USP34: variants seen among roughly 807,000 people sequenced by gnomAD.
USP34 encodes the protein ubiquitin specific peptidase 34.
USP34 carries 70 observed loss-of-function variants against 460.3 expected under a neutral mutation model. The ratio of observed to expected loss-of-function variants is 0.15; its 90% CI spans 0.13 to 0.19. USP34 has a LOEUF of 0.19. Among genes scored for constraint, USP34 ranks in the 10% least tolerant of loss-of-function variants. USP34 has a pLI of 1.00. For missense variants in USP34, 3,985 were observed against 4,236.2 expected (o/e 0.94, Z 1.65); for synonymous variants, 1,647 against 1,405.3 (o/e 1.17, Z -3.85).
intron 62 of USP34, chr2:61,223,698 G>C (rs1317464786): frequency 1.1e-5 from 2 of 187,110 alleles, no homozygotes; most frequent in African/African-American, 4.8e-5. Flanking sequence ...TTTAGAGATG[G>C]AGTCTACTTC....
At chr2:61,467,881 A>C (rs1382206869) in intron 1 of USP34, among the ~76,000 whole-genome samples, 1 of 151,998 alleles carries the variant, frequency 6.6e-6, no homozygotes, top group African/African-American at 2.4e-5. Flanking sequence ...TCGGCCTCCC[A>C]AAGTGTTGGG....
rs771404229 is a variant in USP34 at position 61,257,354 on chromosome 2, C to A, written c.5845-4G>T. 4 of 1,559,584 alleles carry A rather than the reference C, an allele frequency of 2.6e-6. No homozygotes were observed. The highest frequency in any genetic ancestry group is 2.0e-5 in the Admixed American group (1 of 51,230). On this transcript the variant is annotated splice_region_variant and splice_polypyrimidine_tract_variant and intron_variant, in intron 44 of 79. Transcript: ENST00000398571. ...TATATGCTTTGCATTCACTCTCCTGCAAATAAAAAGGGGAACATTCTAAGT... is the reference window on the plus strand; with the variant it reads ...TATATGCTTTGCATTCACTCTCCTGAAAATAAAAAGGGGAACATTCTAAGT...
In USP34 at chr2:61,192,951, G is replaced by C. The variant is rs1167855646; in HGVS notation, c.9538C>G (p.Leu3180Val). The C allele has an allele frequency of 6.2e-7, 1 of 1,613,902 alleles. No homozygotes were observed. The highest frequency in any genetic ancestry group is 2.2e-5 in the East Asian group (1 of 44,862). Residue 3180 changes from leucine (L) to valine (V), a missense_variant, in exon 76 of 80, where the codon CTT (leucine) becomes GTT (valine). Physicochemically the swap from Leu to Val is conservative, Grantham distance 32. Transcript: ENST00000398571. Reference protein sequence around the residue: ...SVLVAYEGLPLHLALFPKLWT... With the variant: ...SVLVAYEGLPVHLALFPKLWT... ...AGTTTGGGGAACAGTGCAAGATGAA[G>C]TGGCAAACCTTCATAGGCAACTAGG...
At chr2:61,318,307 A>C (rs1237906107) in intron 22 of USP34, among the ~76,000 whole-genome samples, 1 of 152,238 alleles carries the variant, frequency 6.6e-6, no homozygotes, top group Non-Finnish European at 1.5e-5. Context: ...GACCCAAATC[A>C]GAGGACATAA....
chr2:61,360,903 G>A (rs1237054633), intron 10 of USP34, among the ~76,000 whole-genome samples: 3 of 152,158 alleles, frequency 2.0e-5, no homozygotes, highest in Admixed American at 2.0e-4. Flanking sequence ...GCTATCAGAA[G>A]TTAGCTCCTT....
chr2:61,281,229 T>C lies in USP34; in HGVS notation c.5012A>G (p.His1671Arg). 3 of 1,613,282 alleles carry C rather than the reference T, an allele frequency of 1.9e-6. No individual in the cohort carries two copies. The highest frequency in any genetic ancestry group is 2.5e-6 in the Non-Finnish European group (3 of 1,179,662). The change falls in exon 38 of 80, where the codon CAT becomes CGT. Residue 1671 changes from histidine (H) to arginine (R), a missense_variant. His to Arg is a conservative substitution (Grantham distance 29). Coordinates refer to ENST00000398571, the MANE Select transcript of USP34 (RefSeq NM_014709.4). ...CTTATAGAGACCACTGCATGATTCA[T>C]GACGAACTGCAGTCTAGATGAAAAA... ...TLLIPETAVR[H>R]ESCSGLYKLS...
intron 3 of USP34, among the ~76,000 whole-genome samples, chr2:61,399,076 C>G (rs1012473003): frequency 2.0e-4 from 31 of 152,090 alleles, no homozygotes; most frequent in African/African-American, 7.5e-4. Flanking sequence ...CTCCTAACGG[C>G]CGGTGCAGTG....
At position 61,370,551 on chromosome 2, in the gene USP34, G is replaced by A; in HGVS notation, c.1105C>T (p.Leu369Phe). The change falls in exon 9 of 80, where the codon CTT becomes TTT. Residue 369 changes from leucine (L) to phenylalanine (F), a missense_variant. Around this residue, in one of 14 missense-constraint regions of USP34, gnomAD observed 716 missense variants for 626.2 expected, o/e 1.14. Transcript: ENST00000398571. ...TGCTCCACCACATTGTTGCTAATAAGCCAGTCTGCAAGTTCTTTTGCAATG... is the reference window on the plus strand; with the variant it reads ...TGCTCCACCACATTGTTGCTAATAAACCAGTCTGCAAGTTCTTTTGCAATG... The part of the protein sequence containing the change: ...TSIAKELADW[L>F]ISNNVVEHIF... 1 of 1,613,706 alleles carries A rather than the reference G, an allele frequency of 6.2e-7. No homozygotes were observed. The highest frequency in any genetic ancestry group is 8.5e-7 in the Non-Finnish European group (1 of 1,179,918).
At chr2:61,308,747 A>C (rs1690490810) in intron 27 of USP34, among the ~76,000 whole-genome samples, 1 of 152,204 alleles carries the variant, frequency 6.6e-6, no homozygotes, top group Non-Finnish European at 1.5e-5. Flanking sequence ...GTAAGAAAAA[A>C]TACTACATGT....
chr2:61,385,997 C>CAAAAAAAAAAAAAAAAAAAAAAA (rs58518474), intron 5 of USP34, among the ~76,000 whole-genome samples: 1 of 99,450 alleles, frequency 1.0e-5, no homozygotes, highest in African/African-American at 3.7e-5. Context: ...ACTCTGTCTC[C>CAAAAAAAAAAAAAAAAAAAAAAA]AAAAAAAAAA....
At chr2:61,369,900 G>A (rs1404101203) in intron 10 of USP34, among the ~76,000 whole-genome samples, 1 of 149,942 alleles carries the variant, frequency 6.7e-6, no homozygotes, top group Admixed American at 6.7e-5. Flanking sequence ...GCATGCTTGA[G>A]AGATGGGGCA....
chr2:61,322,596 T>A lies in USP34; in HGVS notation c.3013+2779A>T, dbSNP rs148130179. ...AACCAGAAGGGGCATGATGGTATGG[T>A]ACCATCAAAAGAAATTTCTTTTATT... On this transcript the variant is annotated intron_variant, in intron 21 of 79. Transcript: ENST00000398571. Among the ~76,000 whole-genome samples, 424 of 152,314 alleles carry A rather than the reference T, an allele frequency of 2.8e-3. 1 individual carries two copies. Among genetic ancestry groups the A allele is most frequent in the African/African-American group, 9.7e-3 (402 of 41,560 alleles).
chr2:61,416,410 C>T (rs1174997824), intron 2 of USP34, among the ~76,000 whole-genome samples: 3 of 152,108 alleles, frequency 2.0e-5, no homozygotes, highest in Admixed American at 1.3e-4. Context: ...CCCTGGCTGG[C>T]GTCCAGAGTT....
chr2:61,406,515 A>T (rs1042493226), intron 2 of USP34, among the ~76,000 whole-genome samples: 1 of 152,122 alleles, frequency 6.6e-6, no homozygotes, highest in Non-Finnish European at 1.5e-5. Context: ...GTTATTTAAT[A>T]TAAGGAATTT....
chr2:61,309,315 A>AAC (rs1360989442), intron 27 of USP34, among the ~76,000 whole-genome samples: 2 of 152,192 alleles, frequency 1.3e-5, no homozygotes, highest in Non-Finnish European at 2.9e-5. Context: ...GTACTCCAGA[A>AAC]ACACACACAC....
chr2:61,419,922 A>G (rs1694308634), intron 2 of USP34, among the ~76,000 whole-genome samples: 1 of 152,258 alleles, frequency 6.6e-6, no homozygotes, highest in Non-Finnish European at 1.5e-5. Flanking sequence ...GAATGTTTAC[A>G]TAAATAAAAT....
intron 21 of USP34, among the ~76,000 whole-genome samples, chr2:61,320,397 C>G (rs1690879937): frequency 6.6e-6 from 1 of 152,132 alleles, no homozygotes; most frequent in Non-Finnish European, 1.5e-5. Context: ...CAGTGCATGT[C>G]TTTGGGATGT....
intron 53 of USP34, among the ~76,000 whole-genome samples, chr2:61,240,314 G>A (rs1228749370): frequency 6.6e-6 from 1 of 151,932 alleles, no homozygotes; most frequent in Non-Finnish European, 1.5e-5. Flanking sequence ...TTTTGAGACA[G>A]TATCTCACTC....
At chr2:61,458,246 G>C (rs954868874) in intron 1 of USP34, among the ~76,000 whole-genome samples, 1 of 152,042 alleles carries the variant, frequency 6.6e-6, no homozygotes, top group Non-Finnish European at 1.5e-5. Flanking sequence ...AATCATTTCA[G>C]TCAAAACTTA....
Sources: gnomAD v4.1 joint callset for allele counts (sites outside exome capture counted in the v4.1 genomes callset) on GRCh38, gnomAD v4.1.1 for gene constraint, gnomAD v4.1.1 regional missense constraint, MANE v1.5 for transcripts, NCBI Gene and HGNC (gene_info 2026-07-23, HGNC 2026-07-21) for gene names.